PABPC4L: variants seen among roughly 807,000 people sequenced by gnomAD.
PABPC4L encodes polyadenylate-binding protein 4-like.
For missense variants in PABPC4L, 452 were observed against 451.4 expected, an observed-to-expected ratio of 1.00 and a Z score of -0.01; for synonymous variants, 169 against 164.1, an observed-to-expected ratio of 1.03 and a Z score of -0.23.
chr4:134,146,721 C>T, the PABPC4L span, among the ~76,000 whole-genome samples: 4 of 151,944 alleles, frequency 2.6e-5, no homozygotes, highest in Non-Finnish European at 5.9e-5. Flanking sequence ...AGGCTGAGTC[C>T]AGGGTTTTTA....
the PABPC4L span, among the ~76,000 whole-genome samples, chr4:134,031,473 T>C: frequency 8.5e-5 from 13 of 152,104 alleles, no homozygotes; most frequent in East Asian, 2.1e-3. Context: ...TTTTGTAAAA[T>C]AGACACATTT....
chr4:133,962,087 T>C, the PABPC4L span, among the ~76,000 whole-genome samples: 1 of 151,768 alleles, frequency 6.6e-6, no homozygotes, highest in Non-Finnish European at 1.5e-5. Context: ...AGGGAGAGAG[T>C]TCTACATCAA....
chr4:134,198,380 A>G lies in PABPC4L; in HGVS notation c.*1527T>C, dbSNP rs1488026596. The G allele has an allele frequency of 6.6e-6, 1 of 151,648 alleles. No homozygotes were observed. Among genetic ancestry groups the G allele is most frequent in the Non-Finnish European group, 1.5e-5 (1 of 67,662 alleles). 9.4% of individuals were successfully genotyped at this position (151,648 alleles called of 1,614,324 possible). ...ATTTTTTATGGACTAAAAGATTTTCATTTTAGAAAATGTGCAAAGAATATA... is the reference window on the plus strand; with the variant it reads ...ATTTTTTATGGACTAAAAGATTTTCGTTTTAGAAAATGTGCAAAGAATATA... On this transcript the variant is annotated 3_prime_UTR_variant, in exon 2 of 2. Coordinates refer to ENST00000421491, the MANE Select transcript of PABPC4L (RefSeq NM_001114734.2).
rs1383763205 is a variant in PABPC4L at position 134,200,693 on chromosome 4, G to T, written c.327C>A (p.Ile109=). 4.5e-6 allele frequency: 7 copies of T among 1,551,620 alleles called. No homozygotes were observed. The highest frequency in any genetic ancestry group is 5.2e-6 in the Non-Finnish European group (6 of 1,146,954). ...AATGTTCATAAAGGGTTTTGTTATC[G>T]ATAGATTTGTCCAGATTCTTGATGA... The part of the protein sequence containing the change: ...NVFIKNLDKS[I]DNKTLYEHFS... The change falls in exon 2 of 2, where the codon ATC becomes ATA. Residue 109 remains isoleucine, a synonymous_variant. Transcript: ENST00000421491.
chr4:133,994,623 A>G, the PABPC4L span, among the ~76,000 whole-genome samples: 1 of 151,968 alleles, frequency 6.6e-6, no homozygotes, highest in African/African-American at 2.4e-5. Context: ...TCCAATAAGC[A>G]ATTTTATTTC....
the PABPC4L span, among the ~76,000 whole-genome samples, chr4:134,134,256 C>T: frequency 6.6e-6 from 1 of 151,972 alleles, no homozygotes; most frequent in Admixed American, 6.6e-5. Flanking sequence ...CAGTTTAGTG[C>T]TAGCTTTGCA....
chr4:134,054,613 A>G, the PABPC4L span, among the ~76,000 whole-genome samples: 5 of 151,978 alleles, frequency 3.3e-5, no homozygotes. Flanking sequence ...AAAATGTTAT[A>G]TAACTGTAAC....
the PABPC4L span, among the ~76,000 whole-genome samples, chr4:133,985,365 A>G: frequency 6.6e-6 from 1 of 152,018 alleles, no homozygotes; most frequent in Non-Finnish European, 1.5e-5. Flanking sequence ...CTTGCTTCAT[A>G]TTCAATCAGA....
At chr4:134,020,739 C>T in the PABPC4L span, among the ~76,000 whole-genome samples, 1 of 151,996 alleles carries the variant, frequency 6.6e-6, no homozygotes, top group Non-Finnish European at 1.5e-5. Context: ...CCAAACAGAT[C>T]ATCCCAGGGA....
the PABPC4L span, among the ~76,000 whole-genome samples, chr4:134,120,774 C>A: frequency 6.6e-6 from 1 of 150,934 alleles, no homozygotes; most frequent in African/African-American, 2.4e-5. Flanking sequence ...TTTATGTTTG[C>A]TTTTTGTTGT....
the PABPC4L span, among the ~76,000 whole-genome samples, chr4:133,987,661 C>T: frequency 6.6e-6 from 1 of 152,050 alleles, no homozygotes; most frequent in Non-Finnish European, 1.5e-5. Context: ...AGAATACAAA[C>T]ATAGGAGTAA....
chr4:134,201,472 G>C (rs1729883301), intron 1 of PABPC4L, among the ~76,000 whole-genome samples: 1 of 152,162 alleles, frequency 6.6e-6, no homozygotes, highest in Non-Finnish European at 1.5e-5. Flanking sequence ...GTGGAGTATG[G>C]GCTGCGAGGT....
Position 134,201,225 on chromosome 4 carries a change from T to TCCTAGG in PABPC4L, c.-212_-207dup, listed in dbSNP as rs745580727. The TCCTAGG allele has an allele frequency of 1.0e-5, 16 of 1,539,360 alleles. No homozygotes were observed. The South Asian group carries it at 1.9e-4, about 19-fold the overall frequency. On this transcript the variant is annotated 5_prime_UTR_variant, in exon 2 of 2. Coordinates refer to ENST00000421491, the MANE Select transcript of PABPC4L (RefSeq NM_001114734.2). ...GTCCCCACAGCCACCAATCTGGCCC[T>TCCTAGG]CCTAGGACGCGGCAACAGAACTGTG...
At chr4:134,022,465 G>T in the PABPC4L span, among the ~76,000 whole-genome samples, 1 of 151,898 alleles carries the variant, frequency 6.6e-6, no homozygotes, top group South Asian at 2.1e-4. Context: ...ACTGCTACCA[G>T]GACTGTGTAA....
At chr4:134,162,046 A>G in the PABPC4L span, among the ~76,000 whole-genome samples, 2 of 152,102 alleles carry the variant, frequency 1.3e-5, no homozygotes, top group African/African-American at 4.8e-5. Flanking sequence ...TATAAGCTTC[A>G]TTGTAATCCC....
the PABPC4L span, among the ~76,000 whole-genome samples, chr4:134,070,105 G>T: frequency 6.6e-6 from 1 of 150,732 alleles, no homozygotes; most frequent in South Asian, 2.1e-4. Flanking sequence ...GCTCAGCTCA[G>T]CCCTCCAGGA....
chr4:134,004,640 G>A, the PABPC4L span, among the ~76,000 whole-genome samples: 1 of 151,850 alleles, frequency 6.6e-6, no homozygotes, highest in Non-Finnish European at 1.5e-5. Flanking sequence ...AAATCAGTAT[G>A]TTGAGGAGAT....
the PABPC4L span, among the ~76,000 whole-genome samples, chr4:134,081,071 T>G: frequency 1.3e-5 from 2 of 152,212 alleles, no homozygotes; most frequent in Non-Finnish European, 2.9e-5. Flanking sequence ...ATACATATTT[T>G]AAAATGTATG....
At chr4:134,127,006 G>A in the PABPC4L span, among the ~76,000 whole-genome samples, 2 of 151,998 alleles carry the variant, frequency 1.3e-5, no homozygotes, top group African/African-American at 2.4e-5. Context: ...TGTGGCTGCC[G>A]GCTTTCCCTG....
Sources: allele counts gnomAD v4.1 joint callset (sites outside exome capture counted in the v4.1 genomes callset), GRCh38; gene constraint gnomAD v4.1.1; transcripts MANE v1.5; gene names NCBI Gene and HGNC (gene_info 2026-07-23, HGNC 2026-07-21).